RBFOX1: variants seen among roughly 807,000 people sequenced by gnomAD.
RBFOX1 encodes RNA binding fox-1 homolog 1, also known as RNA binding protein fox-1 homolog 1.
Under a neutral mutation model 57.7 loss-of-function variants are expected in RBFOX1, and 8 were observed. The ratio of observed to expected loss-of-function variants is 0.14; its 90% CI spans 0.08 to 0.25. The LOEUF (loss-of-function observed/expected upper bound fraction) is 0.25, where lower values mean the gene tolerates loss of function less well. Ranked by LOEUF, RBFOX1 falls within the 10% of genes least tolerant of loss-of-function variation. The pLI, the probability that RBFOX1 is intolerant of heterozygous loss-of-function variation, is 1.00. For missense variants in RBFOX1, 611 were observed against 548.5 expected (o/e 1.11, Z -1.14); for synonymous variants, 326 against 222.4 (o/e 1.47, Z -4.15).
At chr16:6,863,043 C>T (rs2059294222) in intron 3 of RBFOX1, among the ~76,000 whole-genome samples, 2 of 151,416 alleles carry the variant, frequency 1.3e-5, no homozygotes, top group Non-Finnish European at 2.9e-5. Flanking sequence ...CAGAGTCCTT[C>T]TAAGGTGTTT....
chr16:7,175,795 C>T (rs1288237320), intron 4 of RBFOX1, among the ~76,000 whole-genome samples: 2 of 152,160 alleles, frequency 1.3e-5, no homozygotes, highest in African/African-American at 4.8e-5. Context: ...TAAAGCAAGT[C>T]TCTGCACATG....
Position 7,711,593 on chromosome 16 carries a change from T to G in RBFOX1, c.*848T>G, listed in dbSNP as rs1488657313. On this transcript the variant is annotated 3_prime_UTR_variant, in exon 16 of 16. Coordinates refer to ENST00000550418, the MANE Select transcript of RBFOX1 (RefSeq NM_018723.4). ...TAAAAAGGTGATAAAAAAGCACTGTTTCTATTTTTTTCTTTTTTTCCAAAA... is the reference window on the plus strand; with the variant it reads ...TAAAAAGGTGATAAAAAAGCACTGTGTCTATTTTTTTCTTTTTTTCCAAAA... 1 of 152,610 alleles carries G rather than the reference T, an allele frequency of 6.6e-6. No homozygotes were observed. Among genetic ancestry groups the G allele is most frequent in the Non-Finnish European group, 1.5e-5 (1 of 68,044 alleles). 9.5% of individuals were successfully genotyped at this position (152,610 alleles called of 1,614,324 possible).
At chr16:6,792,474 A>C (rs982236947) in intron 3 of RBFOX1, among the ~76,000 whole-genome samples, 1 of 152,180 alleles carries the variant, frequency 6.6e-6, no homozygotes, top group Non-Finnish European at 1.5e-5. Context: ...CTGGGGTGAG[A>C]TGAATTCCAT....
chr16:6,313,021 G>T (rs2080564482), intron 1 of RBFOX1, among the ~76,000 whole-genome samples: 1 of 152,098 alleles, frequency 6.6e-6, no homozygotes, highest in African/African-American at 2.4e-5. Context: ...AAAGCCATGT[G>T]GTCAGGGGGT....
At chr16:7,484,952 C>G (rs1043832644) in intron 4 of RBFOX1, among the ~76,000 whole-genome samples, 1 of 152,062 alleles carries the variant, frequency 6.6e-6, no homozygotes, top group Non-Finnish European at 1.5e-5. Flanking sequence ...CCAAGTTGTT[C>G]AAAACTATTG....
At chr16:5,575,060 A>G (rs755157732) in intron 2 of RBFOX1, among the ~76,000 whole-genome samples, 1 of 152,166 alleles carries the variant, frequency 6.6e-6, no homozygotes, top group Non-Finnish European at 1.5e-5. Flanking sequence ...TCACCTTGTG[A>G]TATAACAGCA....
intron 2 of RBFOX1, among the ~76,000 whole-genome samples, chr16:6,400,499 T>C (rs1441489235): frequency 1.3e-5 from 2 of 152,034 alleles, no homozygotes; most frequent in Non-Finnish European, 2.9e-5. Flanking sequence ...GTTAGAGAGA[T>C]TTAAAGTGAA....
rs113285882 is a variant in RBFOX1 at position 6,798,133 on chromosome 16, C to G, written c.-16+143483C>G. Among the ~76,000 whole-genome samples, 173 of 152,178 alleles carry G rather than the reference C, an allele frequency of 1.1e-3. 1 individual carries two copies. Among genetic ancestry groups the G allele is most frequent in the African/African-American group, 1.4e-3 (59 of 41,530 alleles). ...TCTAGCACGCATTTAATAAATAGGT[C>G]TCATTGTGATTAGCAGAACAAATGA... On this transcript the variant is annotated intron_variant, in intron 3 of 15. Transcript: ENST00000550418.
At chr16:6,712,032 A>G (rs191273830) in intron 3 of RBFOX1, among the ~76,000 whole-genome samples, 35 of 152,242 alleles carry the variant, frequency 2.3e-4, no homozygotes, top group East Asian at 7.7e-4. Flanking sequence ...TCTCACATAT[A>G]CTATATGGTA....
chr16:6,319,732 T>C (rs2152782787), intron 2 of RBFOX1, among the ~76,000 whole-genome samples: 1 of 152,286 alleles, frequency 6.6e-6, no homozygotes, highest in Non-Finnish European at 1.5e-5. Flanking sequence ...TTGTTATCTG[T>C]GTGCTAAGAG....
chr16:7,677,132 TACACACACACAC>T (rs59379802), intron 14 of RBFOX1, among the ~76,000 whole-genome samples: 2 of 137,952 alleles, frequency 1.4e-5, no homozygotes, highest in East Asian at 2.1e-4. Context: ...CACATACACA[TACACACACACAC>T]ACACACACAC....
chr16:5,869,181 A>G (rs1030284109), intron 4 of RBFOX1, among the ~76,000 whole-genome samples: 4 of 152,096 alleles, frequency 2.6e-5, no homozygotes, highest in Admixed American at 6.5e-5. Context: ...TTCAGTAAAT[A>G]TTAGTTCTGC....
chr16:7,000,239 A>T (rs17141990), intron 3 of RBFOX1, among the ~76,000 whole-genome samples: 1 of 152,154 alleles, frequency 6.6e-6, no homozygotes, highest in African/African-American at 2.4e-5. Context: ...ATAAGCAAGC[A>T]TTCTATCATT....
In RBFOX1 at chr16:7,272,870, C is replaced by CCCTT. The variant is rs201729670; in HGVS notation, c.27+220779_27+220782dup. On this transcript the variant is annotated intron_variant, in intron 4 of 15. Transcript: ENST00000550418. ...CCTTCCCTTCTTCCCTTCCGTTCTT[C>CCCTT]CCTTCCTTCCCTCCTTTCTTCCTTC... is the stretch of plus-strand genomic sequence containing the variant. Among the ~76,000 whole-genome samples the CCCTT allele has an allele frequency of 5.1e-3, 673 of 132,362 alleles. 9 individuals carry two copies. The highest frequency in any genetic ancestry group is 0.017 in the African/African-American group (632 of 36,246). 86.8% of individuals were successfully genotyped at this position (132,362 alleles called of 152,430 possible). A position where few individuals can be genotyped will look rare whatever the true frequency, so the allele number is the denominator to read the frequency against.
intron 3 of RBFOX1, among the ~76,000 whole-genome samples, chr16:6,738,692 T>G (rs1268877447): frequency 6.6e-6 from 1 of 152,176 alleles, no homozygotes; most frequent in Admixed American, 6.5e-5. Flanking sequence ...CACATTCTTT[T>G]AAGGAGCCCA....
intron 3 of RBFOX1, among the ~76,000 whole-genome samples, chr16:5,779,618 C>A (rs112141328): frequency 6.6e-6 from 1 of 152,112 alleles, no homozygotes; most frequent in African/African-American, 2.4e-5. Context: ...AGCTAAGTAG[C>A]CTTCCCTCTT....
intron 3 of RBFOX1, among the ~76,000 whole-genome samples, chr16:6,674,514 G>T (rs1455310322): frequency 1.3e-5 from 2 of 152,030 alleles, no homozygotes; most frequent in Admixed American, 1.3e-4. Context: ...TAGAGACGGG[G>T]TTTCGTCATG....
intron 2 of RBFOX1, among the ~76,000 whole-genome samples, chr16:6,336,029 C>G (rs1244215693): frequency 6.7e-6 from 1 of 149,048 alleles, no homozygotes; most frequent in Non-Finnish European, 1.5e-5. Context: ...AGTCTGTGAC[C>G]TTGGCAGCTT....
intron 1 of RBFOX1, among the ~76,000 whole-genome samples, chr16:6,082,181 T>G (rs1165174608): frequency 7.2e-6 from 1 of 138,954 alleles, no homozygotes; most frequent in Non-Finnish European, 1.6e-5. Context: ...CAGTGCTTTT[T>G]TTTTTTTTTT....
Sources: allele counts gnomAD v4.1 joint callset (sites outside exome capture counted in the v4.1 genomes callset), GRCh38; gene constraint gnomAD v4.1.1; transcripts MANE v1.5; gene names NCBI Gene and HGNC (gene_info 2026-07-23, HGNC 2026-07-21).